The following PGM2L1 variants were observed in gnomAD, a reference collection of about 807,000 sequenced individuals.
PGM2L1 encodes the protein phosphoglucomutase 2 like 1.
Under a neutral mutation model 73.4 loss-of-function variants are expected in PGM2L1, and 35 were observed. The observed-to-expected ratio is 0.48, with a 90% CI of 0.36 to 0.63. The LOEUF (loss-of-function observed/expected upper bound fraction) is 0.63, where lower values mean the gene tolerates loss of function less well. Ranked by LOEUF, PGM2L1 falls within the 30% of genes least tolerant of loss-of-function variation. PGM2L1 has a pLI of 0.00. For missense variants in PGM2L1, 570 were observed against 742.0 expected, an observed-to-expected ratio of 0.77 and a Z score of 2.69; for synonymous variants, 225 against 253.8, an observed-to-expected ratio of 0.89 and a Z score of 1.08.
At chr11:74,393,201 T>C (rs1449778517) in intron 1 of PGM2L1, among the ~76,000 whole-genome samples, 1 of 152,230 alleles carries the variant, frequency 6.6e-6, no homozygotes. Context: ...CATATGTGTA[T>C]ACTGTGTACT....
chr11:74,383,469 T>C (rs889515386), intron 1 of PGM2L1, among the ~76,000 whole-genome samples: 1 of 152,108 alleles, frequency 6.6e-6, no homozygotes, highest in African/African-American at 2.4e-5. Context: ...TTTTACTTTA[T>C]TTTATATTCC....
intron 5 of PGM2L1, chr11:74,355,313 G>T: frequency 2.5e-6 from 2 of 784,976 alleles, no homozygotes; most frequent in Admixed American, 1.7e-5. Context: ...CAGCACTTTG[G>T]GAGGCTGAGG....
chr11:74,394,936 T>C (rs1863151602), intron 1 of PGM2L1, among the ~76,000 whole-genome samples: 1 of 30,736 alleles, frequency 3.3e-5, no homozygotes, highest in Non-Finnish European at 8.7e-5. Flanking sequence ...CATCAGGTGT[T>C]AAAATCAGTT....
At chr11:74,371,304 A>C (rs1048093677) in intron 3 of PGM2L1, among the ~76,000 whole-genome samples, 1 of 152,210 alleles carries the variant, frequency 6.6e-6, no homozygotes, top group African/African-American at 2.4e-5. Context: ...GTGATATAAG[A>C]GACTTTGATA....
At chr11:74,342,310 G>T in intron 12 of PGM2L1, 151 bp downstream of exon 12, 1 of 601,730 alleles carries the variant, frequency 1.7e-6, no homozygotes, top group Non-Finnish European at 2.5e-6. Flanking sequence ...TCTTCCATCT[G>T]GCTGTTCCAG....
rs1862418030 is a variant in PGM2L1, at chr11:74,354,838, A to G, written c.556-3262T>C. 4.5e-6 allele frequency: 4 copies of G among 883,068 alleles called. No individual in the cohort carries two copies. In the Admixed American group the frequency reaches 6.8e-5, roughly 15 times the overall value. The allele number at this position is 883,068 out of a possible 1,614,324, so 54.7% of individuals were successfully genotyped here. A position where few individuals can be genotyped will look rare whatever the true frequency, so the allele number is the denominator to read the frequency against. ...TTTTGAACAGTATGGGAAAAAAATG[A>G]AGCGACTGTAATCATGACTGACCGA... On this transcript the variant is annotated intron_variant, in intron 5 of 13. Coordinates refer to ENST00000298198, the MANE Select transcript of PGM2L1 (RefSeq NM_173582.6).
At chr11:74,354,465 A>G (rs1862411245) in intron 5 of PGM2L1, 8 of 900,900 alleles carry the variant, frequency 8.9e-6, no homozygotes, top group Non-Finnish European at 9.0e-6. Context: ...GAGTCTCCTA[A>G]AGAGCCTGAA....
chr11:74,393,632 T>C (rs1863133934), intron 1 of PGM2L1, among the ~76,000 whole-genome samples: 1 of 152,220 alleles, frequency 6.6e-6, no homozygotes, highest in African/African-American at 2.4e-5. Flanking sequence ...TACATGATAC[T>C]CTTTCTCAAC....
At chr11:74,344,103 G>A (rs1369562106) in intron 9 of PGM2L1, among the ~76,000 whole-genome samples, 1 of 151,688 alleles carries the variant, frequency 6.6e-6, no homozygotes, top group Non-Finnish European at 1.5e-5. Flanking sequence ...GCTCAAAAAC[G>A]CTGTCGCTGA....
chr11:74,338,558 A>G lies in PGM2L1; in HGVS notation c.1676T>C (p.Phe559Ser). 1 of 1,607,802 alleles carries G rather than the reference A, an allele frequency of 6.2e-7. No individual in the cohort carries two copies. Among genetic ancestry groups the G allele is most frequent in the Non-Finnish European group, 8.5e-7 (1 of 1,175,210 alleles). ...SKNSQMITFT[F>S]QNGCVATLRT... ...AAGGGTAGCAACACAGCCATTTTGA[A>G]AAGTAAATGTAATCATTTGGCTGTT... The change falls in exon 13 of 14, where the codon TTT (phenylalanine) becomes TCT (serine). Residue 559 changes from phenylalanine (F) to serine (S), a missense_variant. Physicochemically the swap from Phe to Ser is radical, Grantham distance 155. Coordinates refer to ENST00000298198, the MANE Select transcript of PGM2L1 (RefSeq NM_173582.6).
At chr11:74,391,751 A>C (rs980814365) in intron 1 of PGM2L1, among the ~76,000 whole-genome samples, 1 of 152,160 alleles carries the variant, frequency 6.6e-6, no homozygotes, top group Non-Finnish European at 1.5e-5. Context: ...TAACATCAAT[A>C]GATTTTTAGC....
Position 74,351,572 on chromosome 11 carries a change from T to C in PGM2L1, c.560A>G (p.Tyr187Cys). 6.3e-7 allele frequency: 1 copy of C among 1,596,042 alleles called. No individual in the cohort carries two copies. Among genetic ancestry groups the C allele is most frequent in the Non-Finnish European group, 8.5e-7 (1 of 1,172,092 alleles). ...NRKEDNGYKV[Y>C]WETGAQITSP... ...TGTGATCTGAGCACCAGTTTCCCAG[T>C]AAACCTAGATGATAAGTAAATATAA... The change falls in exon 6 of 14, where the codon TAC (tyrosine) becomes TGC (cysteine). Residue 187 changes from tyrosine (Y) to cysteine (C), a missense_variant. Coordinates refer to ENST00000298198, the MANE Select transcript of PGM2L1 (RefSeq NM_173582.6).
rs1862031192 is a variant in PGM2L1, at chr11:74,332,576, G to C, written c.*4076C>G. 1 of 152,576 alleles carries C rather than the reference G, an allele frequency of 6.6e-6. No homozygotes were observed. Among genetic ancestry groups the C allele is most frequent in the African/African-American group, 2.4e-5 (1 of 41,444 alleles). 9.5% of individuals were successfully genotyped at this position (152,576 alleles called of 1,614,324 possible). A position where few individuals can be genotyped will look rare whatever the true frequency, so the allele number is the denominator to read the frequency against. On this transcript the variant is annotated 3_prime_UTR_variant, in exon 14 of 14. Coordinates refer to ENST00000298198, the MANE Select transcript of PGM2L1 (RefSeq NM_173582.6). ...GGGTGCCTAGGAAAAGTGGGAGGTA[G>C]AGAGAAAAAGGCATAAAATTAAATG... is the stretch of plus-strand genomic sequence containing the variant.
At chr11:74,351,360 A>G (rs1175805591) in intron 6 of PGM2L1, 23 bp downstream of exon 6, 2 of 1,582,660 alleles carry the variant, frequency 1.3e-6, no homozygotes, top group Non-Finnish European at 8.6e-7. Flanking sequence ...AAGTAGTATT[A>G]TCTGATATTC....
At chr11:74,371,243 G>A (rs1032948565) in intron 3 of PGM2L1, among the ~76,000 whole-genome samples, 1 of 151,824 alleles carries the variant, frequency 6.6e-6, no homozygotes, top group African/African-American at 2.4e-5. Flanking sequence ...ATCTTTTGAT[G>A]GCTCTTTTAC....
chr11:74,372,081 A>G (rs1445071964), intron 2 of PGM2L1, among the ~76,000 whole-genome samples: 1 of 152,034 alleles, frequency 6.6e-6, no homozygotes, highest in East Asian at 1.9e-4. Context: ...AATCCAATAC[A>G]ATAAGTAAAA....
At chr11:74,338,645 T>C in intron 12 of PGM2L1, 44 bp from the exon 13 acceptor site, 1 of 1,520,498 alleles carries the variant, frequency 6.6e-7, no homozygotes, top group African/African-American at 1.4e-5. Context: ...TTGGCATCTT[T>C]TTCATTTTCT....
At chr11:74,349,948 C>T (rs1261720161) in intron 6 of PGM2L1, among the ~76,000 whole-genome samples, 1 of 151,900 alleles carries the variant, frequency 6.6e-6, no homozygotes, top group Admixed American at 6.6e-5. Flanking sequence ...AGGACATATC[C>T]CACTAGAAAT....
In PGM2L1 at chr11:74,341,716, A is replaced by AAT. The variant is rs1490306155; in HGVS notation, c.1632+744_1632+745insAT. Among the ~76,000 whole-genome samples, 40 of 145,400 alleles carry AAT rather than the reference A, an allele frequency of 2.8e-4. No individual in the cohort carries two copies. The South Asian group carries it at 9.0e-3, about 33-fold the overall frequency. On this transcript the variant is annotated intron_variant, in intron 12 of 13. Coordinates refer to ENST00000298198, the MANE Select transcript of PGM2L1 (RefSeq NM_173582.6). ...CAAGGAAAAAAAAAAAAAAAAAAAA[A>AAT]GGAAAGCAATTTTATCAGAGCCACA... is the stretch of plus-strand genomic sequence containing the variant.
Sources: gnomAD v4.1 joint callset for allele counts (sites outside exome capture counted in the v4.1 genomes callset) on GRCh38, gnomAD v4.1.1 for gene constraint, MANE v1.5 for transcripts, NCBI Gene and HGNC (gene_info 2026-07-23, HGNC 2026-07-21) for gene names.